ZNF385D: variants seen among roughly 807,000 people sequenced by gnomAD.
ZNF385D encodes the protein zinc finger protein 659.
ZNF385D carries 15 observed loss-of-function variants against 35.8 expected under a neutral mutation model. The ratio of observed to expected loss-of-function variants is 0.42; its 90% CI spans 0.28 to 0.64. The LOEUF (loss-of-function observed/expected upper bound fraction) is 0.64. ZNF385D is among the 30% of genes least tolerant of loss of function. ZNF385D has a pLI of 0.23. For missense variants in ZNF385D, 474 were observed against 494.6 expected, an observed-to-expected ratio of 0.96 and a Z score of 0.39; for synonymous variants, 212 against 186.8, an observed-to-expected ratio of 1.13 and a Z score of -1.10.
intron 2 of ZNF385D, among the ~76,000 whole-genome samples, chr3:21,651,154 G>A (rs1575398639): frequency 6.6e-6 from 1 of 151,440 alleles, no homozygotes; most frequent in African/African-American, 2.4e-5. Flanking sequence ...TGGGTGTGGT[G>A]GCGGGCGCCT....
chr3:21,752,881 T>C (rs1187716863), upstream of ZNF385D, among the ~76,000 whole-genome samples: 1 of 152,204 alleles, frequency 6.6e-6, no homozygotes, highest in African/African-American at 2.4e-5. Context: ...AGTTCTTCCC[T>C]CAGGCAAAAG....
At chr3:22,271,421 A>G (rs1451512588) in intron 2 of ZNF385D, among the ~76,000 whole-genome samples, 2 of 152,008 alleles carry the variant, frequency 1.3e-5, no homozygotes, top group Non-Finnish European at 2.9e-5. Flanking sequence ...AGATTTCACA[A>G]AACAGTTTCG....
chr3:21,813,955 A>C (rs1343952586), intron 3 of ZNF385D, among the ~76,000 whole-genome samples: 2 of 152,208 alleles, frequency 1.3e-5, no homozygotes, highest in African/African-American at 2.4e-5. Context: ...CCAGAGAGAA[A>C]GGTCGGGTTA....
chr3:22,342,153 T>G (rs903567535), intron 2 of ZNF385D, among the ~76,000 whole-genome samples: 4 of 151,476 alleles, frequency 2.6e-5, no homozygotes, highest in African/African-American at 9.7e-5. Context: ...GGCGGGAGCC[T>G]GTAGACCCAG....
At chr3:22,044,512 TGAG>T (rs1559329130) in intron 3 of ZNF385D, among the ~76,000 whole-genome samples, 1 of 152,040 alleles carries the variant, frequency 6.6e-6, no homozygotes, top group East Asian at 1.9e-4. Flanking sequence ...ATTTTAATAC[TGAG>T]AAGAGCAATT....
intron 3 of ZNF385D, among the ~76,000 whole-genome samples, chr3:22,093,002 G>A (rs1701410640): frequency 3.3e-5 from 5 of 152,132 alleles, no homozygotes; most frequent in Admixed American, 2.6e-4. Context: ...AAACTTAGCT[G>A]AGCCCAGCAT....
At chr3:21,945,822 G>T (rs1201955347) in intron 3 of ZNF385D, among the ~76,000 whole-genome samples, 3 of 150,830 alleles carry the variant, frequency 2.0e-5, no homozygotes, top group Non-Finnish European at 4.4e-5. Context: ...TGAAGCTGAT[G>T]AACTCATATT....
intron 3 of ZNF385D, among the ~76,000 whole-genome samples, chr3:21,975,281 T>C (rs749710962): frequency 2.0e-5 from 3 of 152,120 alleles, no homozygotes; most frequent in Non-Finnish European, 2.9e-5. Context: ...CTGGAAGATA[T>C]GTTAAATGAA....
intron 3 of ZNF385D, among the ~76,000 whole-genome samples, chr3:22,127,899 G>C (rs914637829): frequency 6.6e-6 from 1 of 151,932 alleles, no homozygotes; most frequent in South Asian, 2.1e-4. Context: ...TCATCTTTTA[G>C]TCTTCCTACT....
At chr3:21,456,154 C>A (rs2125297069) in intron 4 of ZNF385D, among the ~76,000 whole-genome samples, 1 of 152,258 alleles carries the variant, frequency 6.6e-6, no homozygotes, top group Non-Finnish European at 1.5e-5. Flanking sequence ...TAAACTAGTT[C>A]AACCATTGTG....
chr3:22,044,361 C>T (rs1237842769), intron 3 of ZNF385D, among the ~76,000 whole-genome samples: 3 of 151,996 alleles, frequency 2.0e-5, no homozygotes, highest in African/African-American at 4.8e-5. Flanking sequence ...GCTGCTTGAT[C>T]GAATCACATC....
intron 3 of ZNF385D, among the ~76,000 whole-genome samples, chr3:21,974,204 T>C (rs1703450504): frequency 6.6e-6 from 1 of 152,124 alleles, no homozygotes; most frequent in African/African-American, 2.4e-5. Flanking sequence ...GAAAACAGTA[T>C]GGTACTGGCA....
chr3:22,085,065 C>T (rs1056289411), intron 3 of ZNF385D, among the ~76,000 whole-genome samples: 2 of 152,214 alleles, frequency 1.3e-5, no homozygotes, highest in East Asian at 1.9e-4. Flanking sequence ...CTCTGCGACA[C>T]ATTTAAAGCA....
chr3:21,573,169 C>T (rs1038015688), intron 2 of ZNF385D, among the ~76,000 whole-genome samples: 15 of 152,128 alleles, frequency 9.9e-5, no homozygotes, highest in Admixed American at 6.6e-5. Context: ...AAGGAAATGT[C>T]TACACCCTCT....
intron 3 of ZNF385D, among the ~76,000 whole-genome samples, chr3:22,042,677 A>C (rs1367587496): frequency 2.6e-5 from 4 of 152,178 alleles, no homozygotes; most frequent in Non-Finnish European, 4.4e-5. Context: ...ACTCCTCTAA[A>C]GGATCAAAAG....
rs145058316 is a variant in ZNF385D, at chr3:22,015,640, T to C, written c.325+153177A>G. On this transcript the variant is annotated intron_variant, in intron 3 of 5. Coordinates refer to the ZNF385D transcript ENST00000494108. ...GTGTGAGTGAACACAAACATCATCA[T>C]TTCTTGTTTGTTTCTAACAACAATG... is the stretch of plus-strand genomic sequence containing the variant. Among the ~76,000 whole-genome samples the C allele has an allele frequency of 6.6e-3, 1,005 of 152,256 alleles. 15 individuals are homozygous for C. Among genetic ancestry groups the C allele is most frequent in the African/African-American group, 0.023 (945 of 41,546 alleles).
chr3:21,489,991 A>G (rs920839915), intron 4 of ZNF385D, among the ~76,000 whole-genome samples: 1 of 152,108 alleles, frequency 6.6e-6, no homozygotes, highest in African/African-American at 2.4e-5. Context: ...TTTGCTTCAA[A>G]CACATGGCTC....
At chr3:22,206,997 C>G (rs944523174) in intron 2 of ZNF385D, among the ~76,000 whole-genome samples, 38 of 151,508 alleles carry the variant, frequency 2.5e-4, no homozygotes, top group African/African-American at 8.5e-4. Flanking sequence ...ACAAAACTGA[C>G]AAATCTTAGC....
chr3:21,999,759 C>A (rs1194009211), intron 3 of ZNF385D, among the ~76,000 whole-genome samples: 3 of 118,436 alleles, frequency 2.5e-5, no homozygotes, highest in South Asian at 2.9e-4. Context: ...TTGTAAAATA[C>A]CCCAGTCAGG....
Sources: gnomAD v4.1 joint callset for allele counts (sites outside exome capture counted in the v4.1 genomes callset) on GRCh38, gnomAD v4.1.1 for gene constraint, MANE v1.5 for transcripts, NCBI Gene and HGNC (gene_info 2026-07-23, HGNC 2026-07-21) for gene names.